The following CPVL variants were observed in gnomAD, a reference collection of about 807,000 sequenced individuals.
The protein encoded by CPVL is probable serine carboxypeptidase CPVL.
In CPVL, 51 loss-of-function variants were observed where a neutral mutation model predicts 63.7. That is an observed-to-expected ratio of 0.80 (90% CI 0.64 to 1.01). The LOEUF (loss-of-function observed/expected upper bound fraction) is 1.01, where lower values mean the gene tolerates loss of function less well. CPVL is among the 50% of genes least tolerant of loss of function. The pLI, the probability that CPVL is intolerant of heterozygous loss-of-function variation, is 0.00. For synonymous variants in CPVL, 195 were observed against 206.0 expected (o/e 0.95, Z 0.46); for missense variants, 530 against 573.1 (o/e 0.92, Z 0.77).
intron 6 of CPVL, among the ~76,000 whole-genome samples, chr7:29,091,135 C>T (rs767981845): frequency 1.3e-5 from 2 of 152,204 alleles, no homozygotes; most frequent in Non-Finnish European, 2.9e-5. Context: ...ACTACAACAG[C>T]TATAAACAAT....
intron 7 of CPVL, among the ~76,000 whole-genome samples, chr7:29,072,884 T>C (rs1783886519): frequency 6.6e-6 from 1 of 152,170 alleles, no homozygotes; most frequent in Non-Finnish European, 1.5e-5. Context: ...GAAAATAATA[T>C]TTATTGGCCA....
At chr7:29,160,327 G>A (rs1463455000) in intron 5 of CPVL, among the ~76,000 whole-genome samples, 1 of 152,172 alleles carries the variant, frequency 6.6e-6, no homozygotes, top group Non-Finnish European at 1.5e-5. Context: ...ATTCCCTGAT[G>A]TTCTCCCATC....
rs148266761 is a variant in CPVL, at chr7:29,169,880, G to GTGTGTGTA, written c.-11+11409_-11+11410insTACACACA. Among the ~76,000 whole-genome samples, 942 of 150,012 alleles carry GTGTGTGTA rather than the reference G, an allele frequency of 6.3e-3. 12 individuals are homozygous for GTGTGTGTA. The highest frequency in any genetic ancestry group is 0.019 in the African/African-American group (756 of 40,444). On this transcript the variant is annotated intron_variant, in intron 5 of 16. Transcript: ENST00000409850. ...TATATACGTGTGTGTGTGTGTGTGT[G>GTGTGTGTA]TATATATATATGTATATACAGGTTG... is the stretch of plus-strand genomic sequence containing the variant.
chr7:29,076,059 C>G (rs950250336), intron 7 of CPVL, among the ~76,000 whole-genome samples: 1 of 139,078 alleles, frequency 7.2e-6, no homozygotes, highest in Non-Finnish European at 1.5e-5. Flanking sequence ...AAAAGACAAC[C>G]AGGTAATAAA....
At chr7:29,033,298 G>T (rs939793665) in intron 11 of CPVL, among the ~76,000 whole-genome samples, 1 of 152,164 alleles carries the variant, frequency 6.6e-6, no homozygotes, top group Non-Finnish European at 1.5e-5. Context: ...TCTAGGCTGG[G>T]TGAGTGGATG....
At chr7:29,035,092 C>CT (rs60194251) in intron 11 of CPVL, among the ~76,000 whole-genome samples, 42,368 of 151,888 alleles carry the variant, frequency 0.28, 7,552 homozygotes, top group African/African-American at 0.51. Flanking sequence ...CCACAAGCAT[C>CT]TTTTTCTTCC....
chr7:29,028,521 C>T (rs1447414188), intron 12 of CPVL, among the ~76,000 whole-genome samples: 1 of 152,132 alleles, frequency 6.6e-6, no homozygotes, highest in Non-Finnish European at 1.5e-5. Context: ...AGTTTCTTCA[C>T]AGCAAAGGGA....
intron 3 of CPVL, among the ~76,000 whole-genome samples, chr7:29,104,524 G>T (rs1014665020): frequency 1.3e-5 from 2 of 152,186 alleles, no homozygotes; most frequent in Non-Finnish European, 2.9e-5. Flanking sequence ...GCCTCCCAAC[G>T]TACTGGGATT....
intron 11 of CPVL, among the ~76,000 whole-genome samples, chr7:29,033,155 T>C (rs935047565): frequency 2.0e-5 from 3 of 152,022 alleles, no homozygotes; most frequent in African/African-American, 7.3e-5. Flanking sequence ...AAAAAAGAAA[T>C]CAGAATAACG....
chr7:29,161,681 T>C (rs947775771), intron 5 of CPVL, among the ~76,000 whole-genome samples: 4 of 152,206 alleles, frequency 2.6e-5, no homozygotes, highest in Admixed American at 2.6e-4. Flanking sequence ...AATTTAAAAA[T>C]AGATACTTAA....
intron 7 of CPVL, among the ~76,000 whole-genome samples, chr7:29,084,568 C>T (rs750416194): frequency 1.2e-4 from 19 of 152,116 alleles, no homozygotes; most frequent in Non-Finnish European, 2.2e-4. Context: ...TGTTGTTTTT[C>T]AGTGTTATTC....
chr7:29,033,805 A>G (rs910853770), intron 11 of CPVL, among the ~76,000 whole-genome samples: 10 of 152,198 alleles, frequency 6.6e-5, no homozygotes, highest in Non-Finnish European at 1.2e-4. Flanking sequence ...GGCCTCTGGT[A>G]AGGGAGCAAA....
At chr7:29,044,250 T>C (rs1364506705) in intron 11 of CPVL, among the ~76,000 whole-genome samples, 3 of 151,852 alleles carry the variant, frequency 2.0e-5, no homozygotes, top group African/African-American at 4.8e-5. Flanking sequence ...AATCCCATCT[T>C]TACTAAAAAT....
chr7:29,154,091 C>T (rs1200473364), intron 5 of CPVL, among the ~76,000 whole-genome samples: 1 of 152,122 alleles, frequency 6.6e-6, no homozygotes, highest in Non-Finnish European at 1.5e-5. Context: ...CTGCATTTCT[C>T]GAGAGTCAAC....
Position 29,106,412 on chromosome 7 carries a change from G to A in CPVL, c.288+6292C>T, listed in dbSNP as rs570588716. ...GGATATCATCTTGCTAAGAGTCTTG[G>A]TGGTCTGGGTGCATAGCTAAGGCAG... On this transcript the variant is annotated intron_variant, in intron 3 of 12. Transcript: ENST00000265394. Among the ~76,000 whole-genome samples the A allele has an allele frequency of 2.9e-4, 44 of 152,228 alleles. No homozygotes were observed. In the South Asian group the frequency reaches 9.1e-3, roughly 32 times the overall value.
intron 3 of CPVL, among the ~76,000 whole-genome samples, chr7:29,102,228 G>A (rs1357322512): frequency 6.6e-6 from 1 of 152,112 alleles, no homozygotes; most frequent in Non-Finnish European, 1.5e-5. Flanking sequence ...TACTATTAAT[G>A]TCTGTCTCCT....
At chr7:29,087,332 A>G (rs1397868566) in intron 6 of CPVL, among the ~76,000 whole-genome samples, 1 of 151,512 alleles carries the variant, frequency 6.6e-6, no homozygotes, top group African/African-American at 2.4e-5. Context: ...GCTGAGACAG[A>G]AGAATCACTT....
chr7:29,082,293 T>A (rs528863015), intron 7 of CPVL: 1 of 152,300 alleles, frequency 6.6e-6, no homozygotes, highest in South Asian at 2.1e-4. Flanking sequence ...CTGGAAGTGA[T>A]CTAGTTTAAC....
intron 5 of CPVL, among the ~76,000 whole-genome samples, chr7:29,172,500 A>G (rs1464473214): frequency 6.6e-6 from 1 of 152,220 alleles, no homozygotes; most frequent in Non-Finnish European, 1.5e-5. Context: ...AAGCCTTCAG[A>G]TTCAGGAAAA....
Sources: allele counts gnomAD v4.1 joint callset (sites outside exome capture counted in the v4.1 genomes callset), GRCh38; gene constraint gnomAD v4.1.1; transcripts MANE v1.5; gene names NCBI Gene and HGNC (gene_info 2026-07-23, HGNC 2026-07-21).